Variants in COL27A1 observed in about 807,000 individuals in gnomAD.
COL27A1 encodes collagen type XXVII alpha 1 chain.
In COL27A1, 106 loss-of-function variants were observed where a neutral mutation model predicts 251.3. That is an observed-to-expected ratio of 0.42 (90% CI 0.36 to 0.50). The LOEUF is 0.50. Ranked by LOEUF, COL27A1 falls within the 20% of genes least tolerant of loss-of-function variation. The pLI is 0.00. For synonymous variants in COL27A1, 1,000 were observed against 986.3 expected (o/e 1.01, Z -0.26); for missense variants, 2,325 against 2,522.8 (o/e 0.92, Z 1.68).
intron 12 of COL27A1, among the ~76,000 whole-genome samples, chr9:114,213,011 C>G (rs60666664): frequency 0.013 from 2,021 of 152,274 alleles, 48 homozygotes; most frequent in African/African-American, 0.045. Flanking sequence ...GGAGCCTTAC[C>G]AAGGGCCAGG....
intron 35 of COL27A1, 126 bp from the exon 36 acceptor site, chr9:114,270,602 C>T: frequency 1.4e-6 from 1 of 690,274 alleles, no homozygotes; most frequent in South Asian, 1.9e-5. Flanking sequence ...GCCAGGGCCC[C>T]CAGGGTCCCA....
chr9:114,288,806 G>C lies in COL27A1; in HGVS notation c.4098+51G>C, dbSNP rs372713793. 1.2e-5 allele frequency: 19 copies of C among 1,600,980 alleles called. No individual in the cohort carries two copies. The African/African-American group carries it at 1.9e-4, about 16-fold the overall frequency. On this transcript the variant is annotated intron_variant, in intron 43 of 60. Transcript: ENST00000356083. ...GGCAGGATCGGGCATGTCAGGGAGA[G>C]GGGGGATGACACATGTCTAGAAAGA... is the stretch of plus-strand genomic sequence containing the variant.
At chr9:114,283,380 T>C (rs1836050940) in intron 39 of COL27A1, among the ~76,000 whole-genome samples, 1 of 152,204 alleles carries the variant, frequency 6.6e-6, no homozygotes. Context: ...TCTATCTTTG[T>C]TTTTAATAAC....
In COL27A1 at chr9:114,168,167, G is replaced by T. The variant is rs147140199; in HGVS notation, c.612G>T (p.Pro204=). 3.7e-6 allele frequency: 6 copies of T among 1,613,472 alleles called. No individual in the cohort carries two copies. Among genetic ancestry groups the T allele is most frequent in the Admixed American group, 1.7e-5 (1 of 60,008 alleles). The stretch of plus-strand genomic sequence containing the variant: ...CCTTCCTCTTTGGGAAGATGAACCC[G>T]CATGCAGTCCAGTTTGAAGGTGCTC... ...GGSFLFGKMN[P]HAVQFEGALC... Residue 204 remains proline, a synonymous_variant, in exon 3 of 61, where the codon CCG becomes CCT. Transcript: ENST00000356083.
chr9:114,283,693 TCTC>T lies in COL27A1; in HGVS notation c.3880-9_3880-7del, dbSNP rs750725362. 5.6e-6 allele frequency: 9 copies of T among 1,613,248 alleles called. No homozygotes were observed. Among genetic ancestry groups the T allele is most frequent in the South Asian group, 2.2e-5 (2 of 91,038 alleles). ...GAGCCACACTCCATACCAACGAGGGTCTCCTCCTCTTGTAGGGTGCTCCGGGAC... is the reference window on the plus strand; with the variant it reads ...GAGCCACACTCCATACCAACGAGGGTCTCCTCTTGTAGGGTGCTCCGGGAC... On this transcript the variant is annotated splice_polypyrimidine_tract_variant and intron_variant, in intron 39 of 60. Coordinates refer to ENST00000356083, the MANE Select transcript of COL27A1 (RefSeq NM_032888.4).
chr9:114,265,200 A>G (rs1834653870), intron 31 of COL27A1, 90 bp downstream of exon 31: 3 of 1,254,360 alleles, frequency 2.4e-6, no homozygotes, highest in Non-Finnish European at 3.5e-6. Context: ...CACTTTTACC[A>G]AGTTCCTGTC....
Position 114,155,943 on chromosome 9 carries a change from G to C in COL27A1, c.-8G>C, listed in dbSNP as rs747292438. The C allele has an allele frequency of 7.9e-7, 1 of 1,264,564 alleles. No homozygotes were observed. The highest frequency in any genetic ancestry group is 3.5e-5 in the Admixed American group (1 of 28,210). The allele number at this position is 1,264,564 out of a possible 1,614,324, so 78.3% of individuals were successfully genotyped here. ...CCCGGGCTCGGGAGCATGAAGTAGGGGCCTGCCATGGGAGCGGGATCGGCG... is the reference window on the plus strand; with the variant it reads ...CCCGGGCTCGGGAGCATGAAGTAGGCGCCTGCCATGGGAGCGGGATCGGCG... On this transcript the variant is annotated 5_prime_UTR_variant, in exon 1 of 61. Transcript: ENST00000356083. The surrounding 1 kb of genome is among the most constrained non-coding windows in gnomAD (Gnocchi z 5.5).
At chr9:114,247,490 C>CTCAGAT (rs1407666732) in intron 24 of COL27A1, among the ~76,000 whole-genome samples, 1 of 152,220 alleles carries the variant, frequency 6.6e-6, no homozygotes, top group African/African-American at 2.4e-5. Context: ...GTTTAGAACC[C>CTCAGAT]TCAGATTCTA....
chr9:114,267,365 C>T (rs41278649), intron 33 of COL27A1, 139 bp from the exon 34 acceptor site: 35,142 of 643,772 alleles, frequency 0.055, 1,391 homozygotes, highest in African/African-American at 0.15. Context: ...CAAGAAGCTA[C>T]AAGCTGCTCC....
intron 5 of COL27A1, among the ~76,000 whole-genome samples, chr9:114,183,796 C>T (rs187357918): frequency 7.9e-5 from 12 of 152,202 alleles, no homozygotes; most frequent in South Asian, 2.1e-4. Flanking sequence ...GGGAGGCTGG[C>T]GCAGAGATGC....
intron 25 of COL27A1, among the ~76,000 whole-genome samples, chr9:114,251,588 A>C (rs1418090581): frequency 6.6e-6 from 1 of 152,236 alleles, no homozygotes; most frequent in Non-Finnish European, 1.5e-5. Flanking sequence ...CAGTGGTAGC[A>C]TCTTACATAA....
intron 5 of COL27A1, among the ~76,000 whole-genome samples, chr9:114,189,981 G>A (rs1400900812): frequency 6.6e-6 from 1 of 152,156 alleles, no homozygotes; most frequent in African/African-American, 2.4e-5. Flanking sequence ...TCAAAGGTTA[G>A]TAGTTCTTAT....
At chr9:114,291,367 G>A (rs1311451599) in intron 48 of COL27A1, among the ~76,000 whole-genome samples, 1 of 152,186 alleles carries the variant, frequency 6.6e-6, no homozygotes, top group African/African-American at 2.4e-5. Flanking sequence ...TGAGCTCGAG[G>A]TTTAATTGGG....
chr9:114,234,311 A>T (rs1542738), intron 16 of COL27A1, among the ~76,000 whole-genome samples: 93,452 of 150,660 alleles, frequency 0.62, 32,280 homozygotes, highest in South Asian at 0.83. Flanking sequence ...TTGAAAAAAA[A>T]TTTTTTTTTT....
At chr9:114,243,424 C>T in intron 22 of COL27A1, 83 bp from the exon 23 acceptor site, 1 of 1,130,010 alleles carries the variant, frequency 8.8e-7, no homozygotes, top group Non-Finnish European at 1.3e-6. Flanking sequence ...TGTGGATACC[C>T]TGTGCCAGGC....
rs547481180 is a variant in COL27A1 at position 114,200,707 on chromosome 9, C to T, written c.2125-4395C>T. On this transcript the variant is annotated intron_variant, in intron 7 of 60. Transcript: ENST00000356083. ...GAGGCCAGCTGGGGAAACTGAGGCC[C>T]GGAGAGGCACCTTGTCCAGCATCAC... 5.3e-5 allele frequency among the ~76,000 whole-genome samples: 8 copies of T among 152,328 alleles called. No homozygotes were observed. The South Asian group carries it at 1.0e-3, about 20-fold the overall frequency.
chr9:114,210,534 G>T (rs1251878780), intron 11 of COL27A1, among the ~76,000 whole-genome samples: 1 of 152,158 alleles, frequency 6.6e-6, no homozygotes, highest in Non-Finnish European at 1.5e-5. Context: ...TGTCCTTCCA[G>T]ACCAAGTATC....
At chr9:114,189,976 G>T (rs1588622959) in intron 5 of COL27A1, among the ~76,000 whole-genome samples, 1 of 152,122 alleles carries the variant, frequency 6.6e-6, no homozygotes, top group South Asian at 2.1e-4. Context: ...TTTCCTCAAA[G>T]GTTAGTAGTT....
At chr9:114,227,311 GTTTT>G (rs5900077) in intron 14 of COL27A1, among the ~76,000 whole-genome samples, 1 of 128,948 alleles carries the variant, frequency 7.8e-6, no homozygotes, top group Admixed American at 8.1e-5. Context: ...AACCTTGAGT[GTTTT>G]TTTTTTTTTT....
Sources: allele counts gnomAD v4.1 joint callset (sites outside exome capture counted in the v4.1 genomes callset), GRCh38; gene constraint gnomAD v4.1.1; non-coding constraint Gnocchi (gnomAD v3.1); transcripts MANE v1.5; gene names NCBI Gene and HGNC (gene_info 2026-07-23, HGNC 2026-07-21).